UGT2A1: variants seen among roughly 807,000 people sequenced by gnomAD.
The protein encoded by UGT2A1 is UDP glucuronosyltransferase family 2 member A1 complex locus, also known as UDP-glucuronosyltransferase 2A1.
UGT2A1 carries 61 observed loss-of-function variants against 45.4 expected under a neutral mutation model. That is an observed-to-expected ratio of 1.34 (90% confidence interval 1.09 to 1.66). The LOEUF is 1.66. Ranked by LOEUF, UGT2A1 falls within the 40% of genes most tolerant of loss-of-function variation. The pLI is 0.00. For synonymous variants in UGT2A1, 229 were observed against 196.2 expected (o/e 1.17, Z -1.40); for missense variants, 649 against 574.3 (o/e 1.13, Z -1.33).
At chr4:69,650,219 G>C (rs1217550743) in intron 1 of UGT2A1, among the ~76,000 whole-genome samples, 3 of 152,052 alleles carry the variant, frequency 2.0e-5, no homozygotes, top group Admixed American at 1.3e-4. Context: ...CTGCTCCAGT[G>C]ACCCTGGGCT....
Position 69,588,649 on chromosome 4 carries a change from T to G in UGT2A1, c.*723A>C, listed in dbSNP as rs1449346493. On this transcript the variant is annotated 3_prime_UTR_variant, in exon 7 of 7. Coordinates refer to ENST00000286604, the MANE Select transcript of UGT2A1 (RefSeq NM_001252275.3). ...TCACCTTCAACATATAACATAGAAC[T>G]TTCTCCTTGAAATAAAAGAGTCGAT... 6.6e-6 allele frequency: 1 copy of G among 152,010 alleles called. No individual in the cohort carries two copies. Among genetic ancestry groups the G allele is most frequent in the African/African-American group, 2.4e-5 (1 of 41,510 alleles). The allele number at this position is 152,010 out of a possible 1,614,324, so 9.4% of individuals were successfully genotyped here.
intron 3 of UGT2A1, among the ~76,000 whole-genome samples, chr4:69,610,710 C>T (rs1352086851): frequency 6.6e-6 from 1 of 152,062 alleles, no homozygotes; most frequent in Non-Finnish European, 1.5e-5. Flanking sequence ...CAGGAATGCC[C>T]ATATGCAGAG....
intron 3 of UGT2A1, among the ~76,000 whole-genome samples, chr4:69,604,086 G>A (rs1306158798): frequency 3.0e-5 from 4 of 135,516 alleles, no homozygotes; most frequent in African/African-American, 6.0e-5. Context: ...GATACTCCTC[G>A]AGAAGAGCAA....
chr4:69,613,080 T>G (rs577492713), intron 3 of UGT2A1, among the ~76,000 whole-genome samples: 29 of 151,620 alleles, frequency 1.9e-4, no homozygotes, highest in African/African-American at 6.5e-4. Context: ...AAGACATGAA[T>G]AGACACTTCA....
At chr4:69,633,190 A>G (rs1399145996) in intron 3 of UGT2A1, among the ~76,000 whole-genome samples, 1 of 152,192 alleles carries the variant, frequency 6.6e-6, no homozygotes, top group Non-Finnish European at 1.5e-5. Context: ...TTACACACAT[A>G]CACATTTGAT....
chr4:69,651,529 GATA>G (rs1722525069), intron 1 of UGT2A1, among the ~76,000 whole-genome samples: 2 of 152,148 alleles, frequency 1.3e-5, no homozygotes, highest in Non-Finnish European at 2.9e-5. Context: ...CTTAGAGAAT[GATA>G]ATAAAATATA....
At position 69,589,325 on chromosome 4, in the gene UGT2A1, G is replaced by C; in HGVS notation, c.*47C>G. The C allele has an allele frequency of 6.6e-7, 1 of 1,523,830 alleles. No individual in the cohort carries two copies. The highest frequency in any genetic ancestry group is 2.3e-5 in the East Asian group (1 of 42,816). 94.4% of individuals were successfully genotyped at this position (1,523,830 alleles called of 1,614,324 possible). A position where few individuals can be genotyped will look rare whatever the true frequency, so the allele number is the denominator to read the frequency against. ...GGAATTAATAGGACTACACTACTCA[G>C]GATTTTGCCAAACTTAAAAATATAT... On this transcript the variant is annotated 3_prime_UTR_variant, in exon 7 of 7. Transcript: ENST00000286604.
rs1449038283 is a variant in UGT2A1, at chr4:69,593,775, G to A, written c.1304+702C>T. The stretch of plus-strand genomic sequence containing the variant: ...AAAGGTATCGAATGGTATATACTCA[G>A]TGTGAATAGTTATTTCTGAATGCTT... On this transcript the variant is annotated intron_variant, in intron 6 of 6. Transcript: ENST00000286604. Among the ~76,000 whole-genome samples, 3 of 151,704 alleles carry A rather than the reference G, an allele frequency of 2.0e-5. No individual in the cohort carries two copies. The East Asian group carries it at 5.8e-4, about 29-fold the overall frequency.
intron 3 of UGT2A1, among the ~76,000 whole-genome samples, chr4:69,622,559 A>G (rs150587793): frequency 1.1e-3 from 160 of 151,888 alleles, no homozygotes; most frequent in African/African-American, 3.8e-3. Context: ...AATCTATATA[A>G]TGGATACAAT....
At chr4:69,624,462 G>A (rs1246240916) in intron 3 of UGT2A1, among the ~76,000 whole-genome samples, 2 of 151,304 alleles carry the variant, frequency 1.3e-5, no homozygotes, top group Non-Finnish European at 3.0e-5. Flanking sequence ...TACATTTAAT[G>A]TGATTATCTA....
intron 3 of UGT2A1, among the ~76,000 whole-genome samples, chr4:69,634,567 CTTAAG>C (rs944978582): frequency 2.0e-5 from 3 of 151,834 alleles, no homozygotes; most frequent in Non-Finnish European, 2.9e-5. Context: ...CTGTTTTTTT[CTTAAG>C]TTAATTGGGG....
At chr4:69,595,872 C>T (rs1202006769) in intron 4 of UGT2A1, among the ~76,000 whole-genome samples, 1 of 152,050 alleles carries the variant, frequency 6.6e-6, no homozygotes, top group East Asian at 1.9e-4. Context: ...ATAATTTCTC[C>T]CTGCTTTGTG....
At chr4:69,595,284 A>G (rs371805823) in intron 4 of UGT2A1, 35 bp from the exon 5 acceptor site, 166 of 1,608,634 alleles carry the variant, frequency 1.0e-4, no homozygotes, top group Non-Finnish European at 1.4e-4. Context: ...TGCAAGGAAA[A>G]ACACAATGAG....
At position 69,603,314 on chromosome 4, in the gene UGT2A1, A is replaced by G. The variant is rs1177509378; in HGVS notation, c.848-3920T>C. ...TAAGATAGTGAAAAAAAACAAAACCACTTATGTAATGAAATTCATGAATGA... is the reference window on the plus strand; with the variant it reads ...TAAGATAGTGAAAAAAAACAAAACCGCTTATGTAATGAAATTCATGAATGA... On this transcript the variant is annotated intron_variant, in intron 3 of 6. Transcript: ENST00000286604. Among the ~76,000 whole-genome samples, 2 of 136,724 alleles carry G rather than the reference A, an allele frequency of 1.5e-5. 1 individual carries two copies. Among genetic ancestry groups the G allele is most frequent in the Non-Finnish European group, 3.1e-5 (2 of 64,298 alleles). The allele number at this position is 136,724 out of a possible 152,430, so 89.7% of individuals were successfully genotyped here. A position where few individuals can be genotyped will look rare whatever the true frequency, so the allele number is the denominator to read the frequency against.
At chr4:69,620,378 CAATTGCTAAAAAAGAAT>C (rs147614722) in intron 3 of UGT2A1, among the ~76,000 whole-genome samples, 5 of 151,752 alleles carry the variant, frequency 3.3e-5, no homozygotes, top group African/African-American at 4.8e-5. Context: ...ATCCCATTCA[CAATTGCTAAAAAAGAAT>C]AAAATGCCTA....
At chr4:69,615,036 T>G (rs534270340) in intron 3 of UGT2A1, among the ~76,000 whole-genome samples, 2 of 152,008 alleles carry the variant, frequency 1.3e-5, no homozygotes, top group South Asian at 4.1e-4. Context: ...GAACTCACTA[T>G]CACAAGAAGA....
chr4:69,618,874 T>C (rs1351420085), intron 3 of UGT2A1, among the ~76,000 whole-genome samples: 3 of 151,830 alleles, frequency 2.0e-5, no homozygotes, highest in Non-Finnish European at 4.4e-5. Context: ...GAAACCAAAC[T>C]TCGGAAAATT....
intron 3 of UGT2A1, among the ~76,000 whole-genome samples, chr4:69,632,772 C>T (rs977412262): frequency 2.1e-4 from 32 of 151,880 alleles, no homozygotes; most frequent in African/African-American, 7.7e-4. Context: ...CCTGTAATCC[C>T]AGCTACTCTG....
At position 69,652,563 on chromosome 4, in the gene UGT2A1, G is replaced by A. The variant is rs533774974; in HGVS notation, c.-55+625C>T. ...TGGGATTACAGGGGTGAGCCACCGC[G>A]CCTGGCCATTATTTTCTTTTTTTAA... On this transcript the variant is annotated intron_variant, in intron 1 of 6. Coordinates refer to ENST00000286604, the MANE Select transcript of UGT2A1 (RefSeq NM_001252275.3). Among the ~76,000 whole-genome samples the A allele has an allele frequency of 1.7e-4, 26 of 151,698 alleles. No homozygotes were observed. The East Asian group carries it at 1.9e-3, about 11-fold the overall frequency.
Sources: gnomAD v4.1 joint callset for allele counts (sites outside exome capture counted in the v4.1 genomes callset) on GRCh38, gnomAD v4.1.1 for gene constraint, MANE v1.5 for transcripts, NCBI Gene and HGNC (gene_info 2026-07-23, HGNC 2026-07-21) for gene names.